The following FYB2 variants were observed in gnomAD, a reference collection of about 807,000 sequenced individuals.
FYB2 encodes FYN-binding protein 2.
Under a neutral mutation model 94.1 loss-of-function variants are expected in FYB2, and 103 were observed. The ratio of observed to expected loss-of-function variants is 1.09; its 90% CI spans 0.93 to 1.29. FYB2 has a LOEUF of 1.29. Ranked by LOEUF, FYB2 falls within the 50% of genes most tolerant of loss-of-function variation. The probability of loss-of-function intolerance (pLI) is 0.00; values close to 1 mark genes in which losing one functional copy is unlikely to be tolerated. For missense variants in FYB2, 896 were observed against 841.5 expected, an observed-to-expected ratio of 1.06 and a Z score of -0.80; for synonymous variants, 293 against 287.9, an observed-to-expected ratio of 1.02 and a Z score of -0.18.
intron 4 of FYB2, among the ~76,000 whole-genome samples, chr1:56,783,143 G>A (rs1646047216): frequency 1.3e-5 from 2 of 152,170 alleles, no homozygotes; most frequent in South Asian, 4.1e-4. Context: ...CCAAGGTTTA[G>A]AGAAACTGAG....
chr1:56,744,164 G>A lies in FYB2; in HGVS notation c.1490C>T (p.Ser497Phe). ...GAATGTTACTTACACCTCTTTCCTG[G>A]AGTACTCGACATCATCATATATCTC... Reference protein sequence around the residue: ...SEEIYDDVEYSRKEVPKLNYS... With the variant: ...SEEIYDDVEYFRKEVPKLNYS... Residue 497 changes from serine (S) to phenylalanine (F), a missense_variant, in exon 10 of 20, where the codon TCC becomes TTC. Coordinates refer to ENST00000343433, the MANE Select transcript of FYB2 (RefSeq NM_001004303.5). 7 of 1,612,342 alleles carry A rather than the reference G, an allele frequency of 4.3e-6. No homozygotes were observed. The highest frequency in any genetic ancestry group is 1.3e-5 in the African/African-American group (1 of 74,818).
chr1:56,752,177 T>C (rs558333806), intron 8 of FYB2, among the ~76,000 whole-genome samples: 19 of 151,962 alleles, frequency 1.3e-4, no homozygotes, highest in Middle Eastern at 3.4e-3. Flanking sequence ...TAAATGAGAA[T>C]AGGGCTGAGT....
At position 56,723,652 on chromosome 1, in the gene FYB2, T is replaced by C. The variant is rs995066235; in HGVS notation, c.1910A>G (p.Lys637Arg). Residue 637 changes from lysine (K) to arginine (R), a missense_variant, in exon 17 of 20, where the codon AAG becomes AGG. By Grantham distance (26) the Lys-to-Arg change is conservative (BLOSUM62 2). Transcript: ENST00000343433. The part of the protein sequence containing the change: ...SFSPRNFFKT[K>R]KQNLEKNRMK... Reference sequence around the variant, plus strand: ...TCTGTTCTTTTCTAAGTTTTGCTTCTTGGTTTTGAAGAAATTTCTAGGAGA... The same window carrying C: ...TCTGTTCTTTTCTAAGTTTTGCTTCCTGGTTTTGAAGAAATTTCTAGGAGA... 7 of 1,570,488 alleles carry C rather than the reference T, an allele frequency of 4.5e-6. No individual in the cohort carries two copies. Among genetic ancestry groups the C allele is most frequent in the Non-Finnish European group, 6.1e-6 (7 of 1,145,164 alleles).
chr1:56,800,830 T>C (rs1056645655), intron 1 of FYB2, among the ~76,000 whole-genome samples: 1 of 152,168 alleles, frequency 6.6e-6, no homozygotes, highest in African/African-American at 2.4e-5. Context: ...AGAGTCTTGA[T>C]GGTCCTAATA....
chr1:56,745,168 C>CT (rs1005475170), intron 9 of FYB2, among the ~76,000 whole-genome samples: 2 of 151,992 alleles, frequency 1.3e-5, no homozygotes, highest in African/African-American at 2.4e-5. Flanking sequence ...CACACAGTTT[C>CT]TTCTTAGTCT....
intron 5 of FYB2, among the ~76,000 whole-genome samples, chr1:56,761,408 C>G (rs749272223): frequency 6.6e-6 from 1 of 152,098 alleles, no homozygotes; most frequent in African/African-American, 2.4e-5. Flanking sequence ...AGGTAAGAAA[C>G]GGCTTGCAAA....
chr1:56,813,720 G>T (rs1646818361), intron 1 of FYB2, among the ~76,000 whole-genome samples: 1 of 152,178 alleles, frequency 6.6e-6, no homozygotes, highest in Admixed American at 6.5e-5. Context: ...ATTGTTTGTA[G>T]AATTAACTGC....
chr1:56,752,240 T>C (rs1645217141), intron 8 of FYB2, among the ~76,000 whole-genome samples: 2 of 151,982 alleles, frequency 1.3e-5, no homozygotes, highest in Non-Finnish European at 2.9e-5. Flanking sequence ...TTCTTAACCA[T>C]TAGGAGTCAG....
In FYB2 at chr1:56,720,073, C is replaced by T; in HGVS notation, c.2132-18G>A. On this transcript the variant is annotated intron_variant, in intron 18 of 19. Coordinates refer to ENST00000343433, the MANE Select transcript of FYB2 (RefSeq NM_001004303.5). ...ATATCCATCTAATAGAAACAAAAGTCACCGTTAATTTGAAAGTTATAGAGA... is the reference window on the plus strand; with the variant it reads ...ATATCCATCTAATAGAAACAAAAGTTACCGTTAATTTGAAAGTTATAGAGA... 6.3e-7 allele frequency: 1 copy of T among 1,597,908 alleles called. No individual in the cohort carries two copies. The highest frequency in any genetic ancestry group is 8.5e-7 in the Non-Finnish European group (1 of 1,174,396).
chr1:56,767,689 A>T (rs1645656308), intron 5 of FYB2, 140 bp downstream of exon 5: 3 of 678,932 alleles, frequency 4.4e-6, no homozygotes, highest in Non-Finnish European at 4.9e-6. Context: ...GACACAGAAA[A>T]AAAAAAGAAA....
chr1:56,792,857 A>G, intron 1 of FYB2, 54 bp from the exon 2 acceptor site: 1 of 1,492,750 alleles, frequency 6.7e-7, no homozygotes. Flanking sequence ...AACAAACAAC[A>G]ACAACAAAAA....
chr1:56,778,599 T>A (rs945191919), intron 4 of FYB2, among the ~76,000 whole-genome samples: 30 of 152,272 alleles, frequency 2.0e-4, no homozygotes, highest in African/African-American at 6.7e-4. Context: ...TAGCAGTCAA[T>A]GTCCTTAAAC....
chr1:56,728,810 A>AT (rs1557584360), intron 15 of FYB2, among the ~76,000 whole-genome samples: 2 of 152,060 alleles, frequency 1.3e-5, no homozygotes, highest in Admixed American at 6.6e-5. Flanking sequence ...TTATAGACTT[A>AT]TTTTTTCATT....
intron 9 of FYB2, among the ~76,000 whole-genome samples, chr1:56,750,611 C>T (rs1036028554): frequency 6.6e-5 from 10 of 151,890 alleles, no homozygotes; most frequent in African/African-American, 2.2e-4. Flanking sequence ...ACAAATGATA[C>T]CATAGTGTAT....
chr1:56,813,592 C>T (rs1304834175), intron 1 of FYB2, among the ~76,000 whole-genome samples: 2 of 152,130 alleles, frequency 1.3e-5, no homozygotes, highest in African/African-American at 4.8e-5. Context: ...CTGTAAAGAA[C>T]CTGTCTTCAA....
In FYB2 at chr1:56,788,963, A is replaced by C. The variant is rs189769465; in HGVS notation, c.919+10T>G. On this transcript the variant is annotated intron_variant, in intron 3 of 19. Coordinates refer to ENST00000343433, the MANE Select transcript of FYB2 (RefSeq NM_001004303.5). ...GTTGGCCTTGTGTAGGGCCCTGTGC[A>C]TTTCCTTACCTTCCCCCTGAGTCTT... The C allele has an allele frequency of 1.5e-5, 25 of 1,613,908 alleles. 1 individual carries two copies. The highest frequency in any genetic ancestry group is 3.3e-4 in the Middle Eastern group (2 of 6,058).
At chr1:56,723,503 G>T (rs1644526488) in intron 17 of FYB2, 85 bp downstream of exon 17, 1 of 695,120 alleles carries the variant, frequency 1.4e-6, no homozygotes, top group Non-Finnish European at 2.3e-6. Flanking sequence ...AGAGGCAGAG[G>T]CACAGCATAC....
intron 1 of FYB2, among the ~76,000 whole-genome samples, chr1:56,809,432 C>T (rs1026762514): frequency 2.6e-5 from 4 of 152,094 alleles, no homozygotes; most frequent in Non-Finnish European, 4.4e-5. Flanking sequence ...CCTTTATTCC[C>T]TCTTGGGTTT....
At chr1:56,726,039 C>T (rs772128194) in intron 16 of FYB2, among the ~76,000 whole-genome samples, 1 of 152,010 alleles carries the variant, frequency 6.6e-6, no homozygotes, top group Non-Finnish European at 1.5e-5. Context: ...AAAACATTTT[C>T]TTGTAAAATT....
Sources: allele counts gnomAD v4.1 joint callset (sites outside exome capture counted in the v4.1 genomes callset), GRCh38; gene constraint gnomAD v4.1.1; transcripts MANE v1.5; gene names NCBI Gene and HGNC (gene_info 2026-07-23, HGNC 2026-07-21).